Variants in ASTN2 observed in about 807,000 individuals in gnomAD.
ASTN2 encodes astrotactin-2.
A neutral mutation model predicts 139.8 loss-of-function variants in ASTN2; 54 were observed. That is an observed-to-expected ratio of 0.39 (90% CI 0.31 to 0.48). The LOEUF (loss-of-function observed/expected upper bound fraction) is 0.48. Among genes scored for constraint, ASTN2 ranks in the 20% least tolerant of loss-of-function variants. The pLI is 0.95. For synonymous variants in ASTN2, 756 were observed against 719.5 expected (o/e 1.05, Z -0.81); for missense variants, 1,565 against 1,725.1 (o/e 0.91, Z 1.64).
At chr9:116,833,734 G>C (rs572442912) in intron 11 of ASTN2, among the ~76,000 whole-genome samples, 1 of 152,192 alleles carries the variant, frequency 6.6e-6, no homozygotes, top group Admixed American at 6.5e-5. Flanking sequence ...AGATTTTTCT[G>C]TTATATCTAT....
chr9:117,256,870 G>C (rs1407385957), intron 2 of ASTN2, among the ~76,000 whole-genome samples: 2 of 152,034 alleles, frequency 1.3e-5, no homozygotes, highest in African/African-American at 4.8e-5. Context: ...GCATTTAAGA[G>C]ATGGGGAAAC....
chr9:116,552,156 AAG>A (rs1361076131), intron 19 of ASTN2: 17 of 152,168 alleles, frequency 1.1e-4, no homozygotes, highest in Admixed American at 1.1e-3. Flanking sequence ...CCTAACACTA[AAG>A]ACTCTACAAC....
At chr9:116,904,903 A>G (rs1187829041) in intron 10 of ASTN2, among the ~76,000 whole-genome samples, 1 of 152,186 alleles carries the variant, frequency 6.6e-6, no homozygotes, top group Non-Finnish European at 1.5e-5. Context: ...CTATGTTTGC[A>G]GCCATTTGTG....
At chr9:117,391,324 A>C (rs1057138764) in intron 1 of ASTN2, among the ~76,000 whole-genome samples, 14 of 152,204 alleles carry the variant, frequency 9.2e-5, no homozygotes, top group African/African-American at 3.4e-4. Flanking sequence ...GGCAATTTAC[A>C]AAAGAAAGAG....
intron 4 of ASTN2, among the ~76,000 whole-genome samples, chr9:117,140,594 A>G (rs1237881835): frequency 1.3e-5 from 2 of 151,200 alleles, no homozygotes; most frequent in African/African-American, 2.4e-5. Flanking sequence ...AAGATGAAGG[A>G]GGAAGAGATG....
At chr9:116,950,834 T>C (rs921172428) in intron 10 of ASTN2, among the ~76,000 whole-genome samples, 3 of 152,202 alleles carry the variant, frequency 2.0e-5, no homozygotes, top group Non-Finnish European at 2.9e-5. Context: ...GATTCCCCTT[T>C]GCAGTAAGTG....
chr9:116,814,012 G>A (rs1451267311), intron 12 of ASTN2, among the ~76,000 whole-genome samples: 1 of 150,366 alleles, frequency 6.7e-6, no homozygotes, highest in African/African-American at 2.5e-5. Context: ...CTCCAGCCTG[G>A]GTGACAGAGC....
chr9:117,205,271 G>A (rs1831878518), intron 3 of ASTN2, among the ~76,000 whole-genome samples: 1 of 136,282 alleles, frequency 7.3e-6, no homozygotes, highest in Non-Finnish European at 1.6e-5. Flanking sequence ...GGATTTGAGA[G>A]AATCTCAGAA....
At chr9:117,200,217 G>T (rs1831658685) in intron 3 of ASTN2, among the ~76,000 whole-genome samples, 1 of 151,192 alleles carries the variant, frequency 6.6e-6, no homozygotes, top group Admixed American at 6.6e-5. Context: ...AACTCCTAAT[G>T]CTATCCCTCC....
intron 13 of ASTN2, among the ~76,000 whole-genome samples, chr9:116,771,714 G>C (rs765386840): frequency 2.6e-5 from 4 of 152,290 alleles, no homozygotes; most frequent in Non-Finnish European, 4.4e-5. Context: ...TTCAATTAAA[G>C]GGCAAGAGGC....
At chr9:116,635,866 CTT>C (rs1857048442) in intron 17 of ASTN2, among the ~76,000 whole-genome samples, 1 of 152,260 alleles carries the variant, frequency 6.6e-6, no homozygotes, top group East Asian at 1.9e-4. Context: ...GAGACAAAAA[CTT>C]TGATTAGATG....
At chr9:117,217,959 A>C (rs1832382562) in intron 2 of ASTN2, among the ~76,000 whole-genome samples, 1 of 152,210 alleles carries the variant, frequency 6.6e-6, no homozygotes, top group Non-Finnish European at 1.5e-5. Flanking sequence ...TCCTACATTA[A>C]GTTGGAAACT....
chr9:117,343,526 G>A (rs1829123419), intron 1 of ASTN2, among the ~76,000 whole-genome samples: 1 of 152,140 alleles, frequency 6.6e-6, no homozygotes, highest in African/African-American at 2.4e-5. Context: ...CTCAGGCATT[G>A]TGATAACTAA....
At chr9:117,184,258 G>A (rs1201988480) in intron 3 of ASTN2, among the ~76,000 whole-genome samples, 1 of 152,180 alleles carries the variant, frequency 6.6e-6, no homozygotes, top group African/African-American at 2.4e-5. Context: ...CAGAGCCGGG[G>A]GTATAGCAAG....
At chr9:116,593,862 C>T (rs1293849267) in intron 19 of ASTN2, among the ~76,000 whole-genome samples, 5 of 152,128 alleles carry the variant, frequency 3.3e-5, no homozygotes, top group South Asian at 2.1e-4. Flanking sequence ...CCCTTCCATC[C>T]TTCCAGGTTG....
At chr9:117,041,984 C>G (rs768921648) in intron 5 of ASTN2, among the ~76,000 whole-genome samples, 1 of 152,098 alleles carries the variant, frequency 6.6e-6, no homozygotes, top group Non-Finnish European at 1.5e-5. Context: ...AATAGACAGC[C>G]AACTCCTTGA....
intron 1 of ASTN2, among the ~76,000 whole-genome samples, chr9:117,372,633 T>C (rs1830018961): frequency 6.6e-6 from 1 of 152,158 alleles, no homozygotes; most frequent in Non-Finnish European, 1.5e-5. Flanking sequence ...ATACAAAGCA[T>C]ACAATACAAT....
chr9:117,301,725 A>T (rs1834880245), intron 1 of ASTN2, among the ~76,000 whole-genome samples: 1 of 152,158 alleles, frequency 6.6e-6, no homozygotes, highest in African/African-American at 2.4e-5. Flanking sequence ...TCATCATAGT[A>T]AAGTCCTTTG....
Position 117,414,608 on chromosome 9 carries a change from C to A in ASTN2, c.331G>T (p.Ala111Ser). The change falls in exon 1 of 23, where the codon GCC (alanine) becomes TCC (serine). Residue 111 changes from alanine (A) to serine (S), a missense_variant. Transcript: ENST00000313400. The surrounding 1 kb of genome is among the most constrained non-coding windows in gnomAD (Gnocchi z 4.2). ...AAASPGSPGSAGTAAESRLLL... is the reference protein window; with the variant it reads ...AAASPGSPGSSGTAAESRLLL... ...AGGCGCGACTCGGCGGCGGTGCCGGCAGAGCCAGGAGAGCCCGGGGACGCG... is the reference window on the plus strand; with the variant it reads ...AGGCGCGACTCGGCGGCGGTGCCGGAAGAGCCAGGAGAGCCCGGGGACGCG... 1 of 1,565,524 alleles carries A rather than the reference C, an allele frequency of 6.4e-7. No individual in the cohort carries two copies. The highest frequency in any genetic ancestry group is 8.6e-7 in the Non-Finnish European group (1 of 1,160,670).
Sources: gnomAD v4.1 joint callset for allele counts (sites outside exome capture counted in the v4.1 genomes callset) on GRCh38, gnomAD v4.1.1 for gene constraint, Gnocchi (gnomAD v3.1) non-coding constraint, MANE v1.5 for transcripts, NCBI Gene and HGNC (gene_info 2026-07-23, HGNC 2026-07-21) for gene names.